LRSAM1: variants seen among roughly 807,000 people sequenced by gnomAD.
LRSAM1 encodes leucine rich repeat and sterile alpha motif containing 1, also known as E3 ubiquitin-protein ligase LRSAM1.
In LRSAM1, 96 loss-of-function variants were observed where a neutral mutation model predicts 118.1. The observed-to-expected ratio is 0.81, with a 90% CI of 0.69 to 0.96. The LOEUF is 0.96. Ranked by LOEUF, LRSAM1 falls within the 40% of genes least tolerant of loss-of-function variation. The probability of loss-of-function intolerance (pLI) is 0.00; values close to 1 mark genes in which losing one functional copy is unlikely to be tolerated. For synonymous variants in LRSAM1, 322 were observed against 364.2 expected (o/e 0.88, Z 1.32); for missense variants, 804 against 915.5 (o/e 0.88, Z 1.57).
At chr9:127,469,988 A>G (rs1213084069) in intron 10 of LRSAM1, among the ~76,000 whole-genome samples, 1 of 149,988 alleles carries the variant, frequency 6.7e-6, no homozygotes, top group African/African-American at 2.4e-5. Flanking sequence ...AAAATGGCCA[A>G]AATTGAACTG....
In LRSAM1 at chr9:127,485,721, C is replaced by T. The variant is rs764965750; in HGVS notation, c.1160-15C>T. The T allele has an allele frequency of 1.2e-6, 2 of 1,613,646 alleles. No homozygotes were observed. The highest frequency in any genetic ancestry group is 1.7e-6 in the Non-Finnish European group (2 of 1,179,804). ...AGCCACTCCACTCAGCTGTCCCCAC[C>T]TCATGTTCCCACAGCCGCCATGCAG... On this transcript the variant is annotated splice_polypyrimidine_tract_variant and intron_variant, in intron 16 of 25. Transcript: ENST00000300417.
intron 23 of LRSAM1, among the ~76,000 whole-genome samples, chr9:127,496,837 C>G (rs181865976): frequency 6.6e-6 from 1 of 152,366 alleles, no homozygotes; most frequent in Non-Finnish European, 1.5e-5. Flanking sequence ...CGCTCAGGCT[C>G]TGGAGGCTGA....
chr9:127,459,724 A>G (rs374878421), intron 7 of LRSAM1, among the ~76,000 whole-genome samples: 2 of 151,664 alleles, frequency 1.3e-5, no homozygotes, highest in Non-Finnish European at 1.5e-5. Flanking sequence ...ACACCTGGAC[A>G]ATTTTTGTAT....
At chr9:127,489,420 G>T (rs367847130) in intron 18 of LRSAM1, 24 bp from the exon 19 acceptor site, 3 of 1,597,280 alleles carry the variant, frequency 1.9e-6, no homozygotes, top group African/African-American at 2.7e-5. Context: ...GGCCCCTGCT[G>T]AGGGCTGGTG....
At chr9:127,496,670 TG>T (rs1836157612) in intron 23 of LRSAM1, among the ~76,000 whole-genome samples, 2 of 152,158 alleles carry the variant, frequency 1.3e-5, no homozygotes, top group South Asian at 4.1e-4. Context: ...GGCAATAACT[TG>T]GCCCAAGGTC....
chr9:127,479,451 G>A lies in LRSAM1; in HGVS notation c.849G>A (p.Gln283=), dbSNP rs375636993. 1.2e-5 allele frequency: 20 copies of A among 1,613,998 alleles called. No individual in the cohort carries two copies. Among genetic ancestry groups the A allele is most frequent in the Admixed American group, 3.3e-5 (2 of 59,920 alleles). Residue 283 remains glutamine (Q), a synonymous_variant, in exon 13 of 26, where the codon CAG becomes CAA. Transcript: ENST00000300417. ...RLELGQREHT[Q]LLQQSSSQKD... ...AACTGGGGCAGCGGGAGCACACCCA[G>A]CTCCTTCAGCAGAGCAGCAGCCAGA...
chr9:127,495,706 C>G (rs777407902), intron 22 of LRSAM1, among the ~76,000 whole-genome samples: 1 of 152,098 alleles, frequency 6.6e-6, no homozygotes. Context: ...CCTGCGGGGA[C>G]AGAGAGGCAG....
chr9:127,486,248 G>C (rs1299566834), intron 17 of LRSAM1, among the ~76,000 whole-genome samples: 1 of 152,222 alleles, frequency 6.6e-6, no homozygotes, highest in Non-Finnish European at 1.5e-5. Context: ...GAGGGGAGGG[G>C]TGTGCTCTTG....
At position 127,495,477 on chromosome 9, in the gene LRSAM1, G is replaced by A. The variant is rs1020778895; in HGVS notation, c.1698+59G>A. ...GCCCTGGGGACCTCCTCCCAGAGGC[G>A]CCTGTGGTGCCTCCACCATGCTCTG... On this transcript the variant is annotated intron_variant, in intron 22 of 25. Transcript: ENST00000300417. 244 of 1,344,256 alleles carry A rather than the reference G, an allele frequency of 1.8e-4. No individual in the cohort carries two copies. The Middle Eastern group carries it at 1.9e-3, about 10-fold the overall frequency. 83.3% of individuals were successfully genotyped at this position (1,344,256 alleles called of 1,614,324 possible). A position where few individuals can be genotyped will look rare whatever the true frequency, so the allele number is the denominator to read the frequency against.
At chr9:127,489,584 C>T (rs553300111) in intron 19 of LRSAM1, 66 bp downstream of exon 19, 654 of 1,529,570 alleles carry the variant, frequency 4.3e-4, no homozygotes, top group Non-Finnish European at 5.6e-4. Flanking sequence ...CCCTCCAGGG[C>T]GGCAGGTCGC....
At chr9:127,454,675 C>A in intron 3 of LRSAM1, 76 bp downstream of exon 3, 1 of 1,423,136 alleles carries the variant, frequency 7.0e-7, no homozygotes, top group Non-Finnish European at 9.8e-7. Context: ...CCGCACTGCC[C>A]CCAACAAGCC....
intron 23 of LRSAM1, among the ~76,000 whole-genome samples, chr9:127,496,921 G>A (rs1157484161): frequency 6.6e-6 from 1 of 152,250 alleles, no homozygotes; most frequent in African/African-American, 2.4e-5. Flanking sequence ...CCCACCTGGT[G>A]GGGAAGTGGC....
At chr9:127,454,437 C>T in intron 2 of LRSAM1, 59 bp from the exon 3 acceptor site, 1 of 1,306,244 alleles carries the variant, frequency 7.7e-7, no homozygotes, top group Non-Finnish European at 1.1e-6. Context: ...CACTACCTGT[C>T]CCGGGTGTTG....
intron 4 of LRSAM1, 143 bp downstream of exon 4, chr9:127,455,197 C>T (rs949045119): frequency 4.4e-5 from 40 of 907,790 alleles, no homozygotes; most frequent in East Asian, 4.1e-4. Flanking sequence ...ATTTTGTTCT[C>T]GTCCAAAATA....
At chr9:127,484,457 G>A (rs557760316) in intron 16 of LRSAM1, among the ~76,000 whole-genome samples, 2 of 152,018 alleles carry the variant, frequency 1.3e-5, no homozygotes, top group South Asian at 4.2e-4. Flanking sequence ...CCACCTCCTG[G>A]GCTCAAGCAG....
intron 8 of LRSAM1, among the ~76,000 whole-genome samples, 160 bp from the exon 9 acceptor site, chr9:127,462,092 G>C (rs998629355): frequency 3.3e-5 from 5 of 152,148 alleles, no homozygotes; most frequent in African/African-American, 1.2e-4. Context: ...TTGGTGGAGT[G>C]GGGACTTGAA....
In LRSAM1 at chr9:127,479,920, A is replaced by T. The variant is rs2132064394; in HGVS notation, c.985A>T (p.Lys329Ter). The T allele has an allele frequency of 3.7e-6, 6 of 1,614,062 alleles. No individual in the cohort carries two copies. Among genetic ancestry groups the T allele is most frequent in the East Asian group, 4.5e-5 (2 of 44,880 alleles). ...AERQRLQEQL[K>*]QTEQNISSRI... ...GCGGCAGCGGCTGCAGGAGCAGCTG[A>T]AGCAGACGGAACAGAACATTTCCAG... The change falls in exon 14 of 26, where the codon AAG becomes TAG. Residue 329 changes from lysine (K) to a stop codon, truncating the protein, a stop_gained. Coordinates refer to ENST00000300417, the MANE Select transcript of LRSAM1 (RefSeq NM_001005373.4). LOFTEE classifies it high-confidence loss of function.
At chr9:127,485,619 C>T (rs532571644) in intron 16 of LRSAM1, 117 bp from the exon 17 acceptor site, 1 of 888,638 alleles carries the variant, frequency 1.1e-6, no homozygotes, top group East Asian at 2.4e-5. Flanking sequence ...AGGTAGGTAA[C>T]CAGGTGAGGC....
chr9:127,474,147 C>T (rs1479698179), intron 11 of LRSAM1, among the ~76,000 whole-genome samples: 1 of 152,198 alleles, frequency 6.6e-6, no homozygotes, highest in Non-Finnish European at 1.5e-5. Context: ...ACAAGCTGTG[C>T]CCTGCTGCTG....
Sources: gnomAD v4.1 joint callset for allele counts (sites outside exome capture counted in the v4.1 genomes callset) on GRCh38, gnomAD v4.1.1 for gene constraint, MANE v1.5 for transcripts, NCBI Gene and HGNC (gene_info 2026-07-23, HGNC 2026-07-21) for gene names.